VOPP1: variants seen among roughly 807,000 people sequenced by gnomAD.
VOPP1 encodes WW domain binding protein VOPP1.
Under a neutral mutation model 23.5 loss-of-function variants are expected in VOPP1, and 8 were observed. That is an observed-to-expected ratio of 0.34 (90% CI 0.20 to 0.61). VOPP1 has a LOEUF of 0.61. VOPP1 is among the 20% of genes least tolerant of loss of function. The pLI, the probability that VOPP1 is intolerant of heterozygous loss-of-function variation, is 0.78. For missense variants in VOPP1, 174 were observed against 238.1 expected (o/e 0.73, Z 1.77); for synonymous variants, 83 against 97.3 (o/e 0.85, Z 0.86).
At chr7:55,496,359 C>G (rs146748918) in intron 3 of VOPP1, among the ~76,000 whole-genome samples, 157 of 152,372 alleles carry the variant, frequency 1.0e-3, no homozygotes, top group African/African-American at 3.5e-3. Flanking sequence ...ACTGGGCCCT[C>G]CCCGTCTCTG....
chr7:55,570,424 A>G lies in VOPP1; in HGVS notation c.54+1847T>C, dbSNP rs533290302. ...CATTTAGGTTTCAGTTTTACATCACACTTCTGCCTTTAAGGTCGTTTCAAC... is the reference window on the plus strand; with the variant it reads ...CATTTAGGTTTCAGTTTTACATCACGCTTCTGCCTTTAAGGTCGTTTCAAC... On this transcript the variant is annotated intron_variant, in intron 1 of 4. Transcript: ENST00000285279. Among the ~76,000 whole-genome samples, 25 of 152,284 alleles carry G rather than the reference A, an allele frequency of 1.6e-4. 1 individual carries two copies. Among genetic ancestry groups the G allele is most frequent in the Admixed American group, 2.6e-4 (4 of 15,304 alleles).
intron 1 of VOPP1, among the ~76,000 whole-genome samples, chr7:55,541,755 T>C (rs1797141098): frequency 2.0e-5 from 3 of 152,250 alleles, no homozygotes; most frequent in African/African-American, 4.8e-5. Flanking sequence ...TATCCGGTTA[T>C]TTAGCAATGA....
At chr7:55,502,135 G>C (rs953741184) in intron 2 of VOPP1, among the ~76,000 whole-genome samples, 1 of 152,232 alleles carries the variant, frequency 6.6e-6, no homozygotes, top group Admixed American at 6.5e-5. Flanking sequence ...GGAAACCTAA[G>C]CCCTATGGCA....
rs1436126028 is a variant in VOPP1, at chr7:55,508,735, A to G, written c.114-11045T>C. Among the ~76,000 whole-genome samples, 6 of 152,030 alleles carry G rather than the reference A, an allele frequency of 3.9e-5. No homozygotes were observed. The East Asian group carries it at 1.2e-3, about 29-fold the overall frequency. On this transcript the variant is annotated intron_variant, in intron 2 of 4. Coordinates refer to ENST00000285279, the MANE Select transcript of VOPP1 (RefSeq NM_030796.5). ...AAGGTTAAAAAAATAAATTCTGGCC[A>G]TATGTCTCTTTCAGAAACAGTTATT...
At chr7:55,497,514 C>G (rs1037321994) in intron 3 of VOPP1, 99 bp downstream of exon 3, 17 of 1,149,632 alleles carry the variant, frequency 1.5e-5, no homozygotes, top group Non-Finnish European at 1.4e-5. Flanking sequence ...AGGCCACCAC[C>G]CAAGTGAAGG....
chr7:55,462,314 T>C (rs1791520579), intron 4 of VOPP1, among the ~76,000 whole-genome samples: 1 of 152,180 alleles, frequency 6.6e-6, no homozygotes. Flanking sequence ...GTTCCTCAAG[T>C]GATAATATAC....
At chr7:55,571,530 T>A (rs939040161) in intron 1 of VOPP1, among the ~76,000 whole-genome samples, 1 of 152,146 alleles carries the variant, frequency 6.6e-6, no homozygotes, top group African/African-American at 2.4e-5. Context: ...GGAACCTGCT[T>A]TAGTGAGAAG....
chr7:55,552,660 C>T, intron 1 of VOPP1: 2 of 1,536,076 alleles, frequency 1.3e-6, no homozygotes, highest in Non-Finnish European at 1.7e-6. Context: ...TACCATATGA[C>T]ACCGCCTTCC....
At position 55,472,041 on chromosome 7, in the gene VOPP1, C is replaced by T. The variant is rs1791859402; in HGVS notation, c.*814G>A. On this transcript the variant is annotated 3_prime_UTR_variant, in exon 5 of 5. Coordinates refer to ENST00000285279, the MANE Select transcript of VOPP1 (RefSeq NM_030796.5). ...GTCTGATTTCAAAGGGCAGGACGCT[C>T]TACATGCACTTCCATAAACACACCA... 6.6e-6 allele frequency: 1 copy of T among 152,248 alleles called. No homozygotes were observed. Among genetic ancestry groups the T allele is most frequent in the South Asian group, 2.1e-4 (1 of 4,832 alleles). 9.4% of individuals were successfully genotyped at this position (152,248 alleles called of 1,614,324 possible).
intron 1 of VOPP1, among the ~76,000 whole-genome samples, chr7:55,528,549 GTGGCGCATGCC>G (rs1221780886): frequency 1.3e-5 from 2 of 152,182 alleles, no homozygotes; most frequent in Non-Finnish European, 2.9e-5. Flanking sequence ...GCTGGGCGTG[GTGGCGCATGCC>G]TGTAATCCCA....
rs550296025 is a variant in VOPP1 at position 55,473,346 on chromosome 7, G to A, written c.329-301C>T. On this transcript the variant is annotated intron_variant, in intron 4 of 4. Coordinates refer to ENST00000285279, the MANE Select transcript of VOPP1 (RefSeq NM_030796.5). ...GGCTGTCTGCGGTGAACTATCGGAAGAGCTGCAAAGACCACCCAGGCTTCG... is the reference window on the plus strand; with the variant it reads ...GGCTGTCTGCGGTGAACTATCGGAAAAGCTGCAAAGACCACCCAGGCTTCG... 3.9e-5 allele frequency among the ~76,000 whole-genome samples: 6 copies of A among 152,364 alleles called. No homozygotes were observed. In the South Asian group the frequency reaches 8.3e-4, roughly 21 times the overall value.
chr7:55,556,473 A>G (rs905989288), intron 1 of VOPP1, among the ~76,000 whole-genome samples: 1 of 152,180 alleles, frequency 6.6e-6, no homozygotes. Flanking sequence ...GTCTCTTAAT[A>G]ACCAAAATGC....
chr7:55,446,584 C>T (rs924609902), intron 4 of VOPP1, among the ~76,000 whole-genome samples: 4 of 152,176 alleles, frequency 2.6e-5, no homozygotes, highest in African/African-American at 9.7e-5. Flanking sequence ...AAACCACACC[C>T]ATAGAGGTTC....
intron 3 of VOPP1, among the ~76,000 whole-genome samples, chr7:55,492,654 C>T (rs922903549): frequency 3.0e-4 from 45 of 152,194 alleles, no homozygotes; most frequent in African/African-American, 1.0e-3. Flanking sequence ...GCTTGACCTG[C>T]GGCCTCTGGG....
chr7:55,563,447 G>A (rs1375033955), intron 1 of VOPP1, among the ~76,000 whole-genome samples: 1 of 152,102 alleles, frequency 6.6e-6, no homozygotes, highest in Admixed American at 6.5e-5. Context: ...CAAATCTATT[G>A]TAACCATTTA....
chr7:55,494,158 T>C (rs1238407063), intron 3 of VOPP1, among the ~76,000 whole-genome samples: 1 of 152,168 alleles, frequency 6.6e-6, no homozygotes. Context: ...TGTGGTGATG[T>C]AAGGCTTAAT....
At chr7:55,564,243 G>GTCTCTCTGTCTCTCTCTCTCTCTCTCTC (rs1554302407) in intron 1 of VOPP1, among the ~76,000 whole-genome samples, 2 of 125,896 alleles carry the variant, frequency 1.6e-5, no homozygotes, top group Non-Finnish European at 3.3e-5. Flanking sequence ...CTCTGTCTCT[G>GTCTCTCTGTCTCTCTCTCTCTCTCTCTC]TCTCTCTCTC....
chr7:55,457,371 T>C (rs1034013116), intron 4 of VOPP1, among the ~76,000 whole-genome samples: 2 of 152,238 alleles, frequency 1.3e-5, no homozygotes, highest in African/African-American at 2.4e-5. Flanking sequence ...CATTCATTGA[T>C]AGACACTTAG....
At chr7:55,458,046 A>G (rs1322773836) in intron 4 of VOPP1, among the ~76,000 whole-genome samples, 1 of 152,088 alleles carries the variant, frequency 6.6e-6, no homozygotes, top group Non-Finnish European at 1.5e-5. Context: ...TTCTTCCAGT[A>G]GTTTCATAAT....
Sources: allele counts gnomAD v4.1 joint callset (sites outside exome capture counted in the v4.1 genomes callset), GRCh38; gene constraint gnomAD v4.1.1; transcripts MANE v1.5; gene names NCBI Gene and HGNC (gene_info 2026-07-23, HGNC 2026-07-21).